Variants in CPNE1 observed in about 807,000 individuals in gnomAD.
CPNE1 encodes copine 1.
CPNE1 carries 58 observed loss-of-function variants against 63.2 expected under a neutral mutation model. The ratio of observed to expected loss-of-function variants is 0.92; its 90% CI spans 0.74 to 1.14. The LOEUF (loss-of-function observed/expected upper bound fraction) is 1.14, where lower values mean the gene tolerates loss of function less well. Ranked by LOEUF, CPNE1 falls within the 50% of genes most tolerant of loss-of-function variation. The pLI is 0.00. For synonymous variants in CPNE1, 237 were observed against 249.0 expected (o/e 0.95, Z 0.45); for missense variants, 672 against 661.7 (o/e 1.02, Z -0.17).
chr20:35,633,022 A>C lies in CPNE1; in HGVS notation c.1-99T>G, dbSNP rs950684463. On this transcript the variant is annotated intron_variant, in intron 1 of 15. Transcript: ENST00000397443. ...GAAGGCCAGCAGGCATCACCCAGGC[A>C]GGGCTGAGCATACGTCCACCCCCGT... 1.8e-5 allele frequency: 14 copies of C among 782,682 alleles called. No homozygotes were observed. In the South Asian group the frequency reaches 2.2e-4, roughly 12 times the overall value. 48.5% of individuals were successfully genotyped at this position (782,682 alleles called of 1,614,324 possible). A position where few individuals can be genotyped will look rare whatever the true frequency, so the allele number is the denominator to read the frequency against.
intron 1 of CPNE1, among the ~76,000 whole-genome samples, chr20:35,656,327 G>T (rs1018704956): frequency 2.0e-5 from 3 of 152,128 alleles, no homozygotes; most frequent in Admixed American, 2.0e-4. Context: ...GATCTCCTTA[G>T]ATCATGCCTG....
intron 1 of CPNE1, chr20:35,654,548 T>C (rs201755475): frequency 5.6e-6 from 9 of 1,614,230 alleles, no homozygotes; most frequent in Non-Finnish European, 1.7e-6. Context: ...GAGCCATTCA[T>C]TCCAGCAGGT....
At chr20:35,639,402 T>C (rs943829490) in intron 1 of CPNE1, among the ~76,000 whole-genome samples, 3 of 152,192 alleles carry the variant, frequency 2.0e-5, no homozygotes, top group Non-Finnish European at 4.4e-5. Context: ...AATGGCACCA[T>C]CTCGGCTCAT....
intron 1 of CPNE1, among the ~76,000 whole-genome samples, chr20:35,662,186 G>A (rs1440749476): frequency 6.6e-6 from 1 of 152,126 alleles, no homozygotes; most frequent in African/African-American, 2.4e-5. Flanking sequence ...CAAATCAGAA[G>A]ACATTTCTAA....
At chr20:35,637,162 C>A (rs1271664539) in intron 1 of CPNE1, among the ~76,000 whole-genome samples, 1 of 152,072 alleles carries the variant, frequency 6.6e-6, no homozygotes, top group Non-Finnish European at 1.5e-5. Flanking sequence ...GTTCAACAAC[C>A]CCTACCTAAC....
rs757405591 is a variant in CPNE1, at chr20:35,631,551, C to T, written c.655G>A (p.Gly219Arg). 9.3e-6 allele frequency: 15 copies of T among 1,613,900 alleles called. No homozygotes were observed. The East Asian group carries it at 1.8e-4, about 19-fold the overall frequency. ...QVQCSDYDSD[G>R]SHDLIGTFHT... ...AAGGTACCGATGAGATCATGTGACC[C>T]GTCACTGTCATAATCGGAGCATTGC... The change falls in exon 8 of 16, where the codon GGG (glycine) becomes AGG (arginine). Residue 219 changes from glycine to arginine, a missense_variant. Gly to Arg is a moderately radical substitution (Grantham distance 125). Coordinates refer to ENST00000397443, the MANE Select transcript of CPNE1 (RefSeq NM_152925.3).
At position 35,626,147 on chromosome 20, in the gene CPNE1, T is replaced by A. The variant is rs775178346; in HGVS notation, c.*94A>T. The A allele has an allele frequency of 7.7e-7, 1 of 1,290,788 alleles. No individual in the cohort carries two copies. Among genetic ancestry groups the A allele is most frequent in the Non-Finnish European group, 1.1e-6 (1 of 888,024 alleles). 80.0% of individuals were successfully genotyped at this position (1,290,788 alleles called of 1,614,324 possible). A position where few individuals can be genotyped will look rare whatever the true frequency, so the allele number is the denominator to read the frequency against. ...TATAAAAGTATCAAAAAATACAAAG[T>A]GCTAGCACTGAGGAGAGTGAGAAGG... On this transcript the variant is annotated 3_prime_UTR_variant, in exon 16 of 16. Transcript: ENST00000397443.
intron 1 of CPNE1, among the ~76,000 whole-genome samples, chr20:35,641,969 G>C (rs978895025): frequency 1.3e-5 from 2 of 152,306 alleles, no homozygotes; most frequent in East Asian, 3.9e-4. Context: ...GGTGGCCTTG[G>C]TAAGTTTAAA....
chr20:35,636,721 T>G (rs142253929), intron 1 of CPNE1, among the ~76,000 whole-genome samples: 171 of 151,972 alleles, frequency 1.1e-3, no homozygotes, highest in African/African-American at 3.9e-3. Context: ...AACCTGGGAG[T>G]TGGAGGTTGC....
intron 1 of CPNE1, chr20:35,654,345 C>T (rs1190742143): frequency 6.2e-7 from 1 of 1,614,094 alleles, no homozygotes; most frequent in Admixed American, 1.7e-5. Flanking sequence ...CAACACGGAG[C>T]CCATGAAAAA....
Position 35,626,566 on chromosome 20 carries a change from C to T in CPNE1, c.1473+1G>A, listed in dbSNP as rs1472347292. ...CCCAGATCAAATTTGCACCTACTCA[C>T]ATTCTGGAACCGGCGGTAGGGTACA... On this transcript the variant is annotated splice_donor_variant, in intron 15 of 15. Coordinates refer to ENST00000397443, the MANE Select transcript of CPNE1 (RefSeq NM_152925.3). LOFTEE classifies it high-confidence loss of function. 1 of 1,613,840 alleles carries T rather than the reference C, an allele frequency of 6.2e-7. No homozygotes were observed. The highest frequency in any genetic ancestry group is 1.1e-5 in the South Asian group (1 of 91,084).
chr20:35,626,504 A>G, intron 15 of CPNE1, 63 bp downstream of exon 15: 3 of 1,593,108 alleles, frequency 1.9e-6, no homozygotes, highest in Non-Finnish European at 2.6e-6. Context: ...TTGGGCCTCA[A>G]CCCTACTCAC....
chr20:35,640,460 T>A (rs955939965), intron 1 of CPNE1, among the ~76,000 whole-genome samples: 7 of 152,040 alleles, frequency 4.6e-5, no homozygotes, highest in Admixed American at 6.6e-5. Flanking sequence ...ATAAAAAAAA[T>A]TTGTCATTTA....
In CPNE1 at chr20:35,654,525, C is replaced by A. The variant is rs1244152090; in HGVS notation, c.-1+10235G>T. ...TAGGATTCAGATTATTGTTCAAATT[C>A]ATAGGTGCTCCAGAGCCATTCATTC... On this transcript the variant is annotated intron_variant, in intron 1 of 15. Transcript: ENST00000397443. The A allele has an allele frequency of 2.5e-6, 4 of 1,614,198 alleles. No individual in the cohort carries two copies. Among genetic ancestry groups the A allele is most frequent in the Non-Finnish European group, 3.4e-6 (4 of 1,180,046 alleles).
Position 35,630,400 on chromosome 20 carries a change from T to C in CPNE1, c.1102+39A>G, listed in dbSNP as rs375022281. 1.1e-4 allele frequency: 175 copies of C among 1,583,902 alleles called. No homozygotes were observed. In the African/African-American group the frequency reaches 2.1e-3, roughly 19 times the overall value. On this transcript the variant is annotated intron_variant, in intron 13 of 15. Transcript: ENST00000397443. ...ACTCATGCAGGCTTGCCCCTCTTTG[T>C]GTGGACAGACCTGCCTCAGGGTGGA...
chr20:35,654,728 G>A, intron 1 of CPNE1: 1 of 1,613,676 alleles, frequency 6.2e-7, no homozygotes, highest in Non-Finnish European at 8.5e-7. Flanking sequence ...ATTGGTGGCA[G>A]AGATGGCATC....
intron 1 of CPNE1, chr20:35,652,938 G>A: frequency 6.2e-7 from 1 of 1,613,774 alleles, no homozygotes; most frequent in Non-Finnish European, 8.5e-7. Context: ...AGCTACCAGG[G>A]CCATTTCCAA....
chr20:35,630,076 C>T (rs1461832454), intron 13 of CPNE1, among the ~76,000 whole-genome samples: 2 of 152,042 alleles, frequency 1.3e-5, no homozygotes, highest in African/African-American at 4.8e-5. Context: ...GGTCAATCAC[C>T]TGAGGTCAGG....
At position 35,641,012 on chromosome 20, in the gene CPNE1, C is replaced by T. The variant is rs1397134936; in HGVS notation, c.1-8089G>A. Among the ~76,000 whole-genome samples, 6 of 152,202 alleles carry T rather than the reference C, an allele frequency of 3.9e-5. No individual in the cohort carries two copies. In the East Asian group the frequency reaches 1.2e-3, roughly 29 times the overall value. The stretch of plus-strand genomic sequence containing the variant: ...AACATTTTTCTGCCTCTGCTTTCTA[C>T]CACTTAGGAGTTACCCTTTATAGTT... On this transcript the variant is annotated intron_variant, in intron 1 of 15. Transcript: ENST00000397443.
Sources: gnomAD v4.1 joint callset for allele counts (sites outside exome capture counted in the v4.1 genomes callset) on GRCh38, gnomAD v4.1.1 for gene constraint, MANE v1.5 for transcripts, NCBI Gene and HGNC (gene_info 2026-07-23, HGNC 2026-07-21) for gene names.